The following MON2 variants were observed in gnomAD, a reference collection of about 807,000 sequenced individuals.
The protein encoded by MON2 is protein MON2 homolog.
In MON2, 84 loss-of-function variants were observed where a neutral mutation model predicts 208.6. The ratio of observed to expected loss-of-function variants is 0.40; its 90% CI spans 0.34 to 0.48. The LOEUF is 0.48. Among genes scored for constraint, MON2 ranks in the 20% least tolerant of loss-of-function variants. MON2 has a pLI of 0.59. For synonymous variants in MON2, 660 were observed against 694.0 expected, an observed-to-expected ratio of 0.95 and a Z score of 0.77; for missense variants, 1,611 against 2,015.4, an observed-to-expected ratio of 0.80 and a Z score of 3.84.
chr12:62,549,180 A>G (rs1335130299), intron 22 of MON2, among the ~76,000 whole-genome samples: 3 of 151,806 alleles, frequency 2.0e-5, no homozygotes, highest in Admixed American at 6.6e-5. Context: ...GTTTTTGTTA[A>G]TTTGTTTAAG....
rs528063441 is a variant in MON2 at position 62,511,240 on chromosome 12, A to G, written c.984+2760A>G. 2.0e-5 allele frequency among the ~76,000 whole-genome samples: 3 copies of G among 152,236 alleles called. No individual in the cohort carries two copies. In the East Asian group the frequency reaches 5.8e-4, roughly 29 times the overall value. On this transcript the variant is annotated intron_variant, in intron 8 of 34. Transcript: ENST00000393630. The stretch of plus-strand genomic sequence containing the variant: ...TCAAAATTCCAACAGCAATTTTTGC[A>G]GAAGTAGAAGAAACCATCTTAAAAT...
At chr12:62,504,730 C>G (rs1010165115) in intron 7 of MON2, among the ~76,000 whole-genome samples, 2 of 152,140 alleles carry the variant, frequency 1.3e-5, no homozygotes, top group African/African-American at 4.8e-5. Context: ...TTACCAGTCA[C>G]TTAAGTTTTA....
intron 32 of MON2, among the ~76,000 whole-genome samples, chr12:62,584,540 A>G (rs2075127420): frequency 6.6e-6 from 1 of 151,994 alleles, no homozygotes; most frequent in Admixed American, 6.6e-5. Context: ...TGTCTCTACT[A>G]AAAATACAAA....
chr12:62,561,178 A>G (rs2074184767), intron 26 of MON2, 65 bp downstream of exon 26: 10 of 1,371,272 alleles, frequency 7.3e-6, no homozygotes, highest in East Asian at 2.3e-5. Flanking sequence ...TTATTTTGCT[A>G]TATATTTGCG....
chr12:62,495,983 A>G (rs1476512375), intron 4 of MON2, among the ~76,000 whole-genome samples: 1 of 152,124 alleles, frequency 6.6e-6, no homozygotes, highest in Non-Finnish European at 1.5e-5. Context: ...TTTCTAAAGA[A>G]CAGAAAGTAG....
At chr12:62,502,201 C>A (rs2070872730) in intron 7 of MON2, among the ~76,000 whole-genome samples, 1 of 152,040 alleles carries the variant, frequency 6.6e-6, no homozygotes, top group Non-Finnish European at 1.5e-5. Context: ...GCCTAGGCGA[C>A]AGAGCAAGAC....
At chr12:62,508,197 G>A (rs1370665700) in intron 7 of MON2, 89 bp from the exon 8 acceptor site, 12 of 958,174 alleles carry the variant, frequency 1.3e-5, no homozygotes. Context: ...TTATTAAGAA[G>A]TTTTGTTTCC....
chr12:62,552,067 C>G (rs2073770512), intron 23 of MON2, among the ~76,000 whole-genome samples: 1 of 151,942 alleles, frequency 6.6e-6, no homozygotes, highest in African/African-American at 2.4e-5. Flanking sequence ...TAGCATTTAC[C>G]TTATGTTAGG....
At chr12:62,546,761 A>C (rs2073504513) in intron 21 of MON2, 136 bp from the exon 22 acceptor site, 1 of 679,122 alleles carries the variant, frequency 1.5e-6, no homozygotes, top group Non-Finnish European at 2.3e-6. Flanking sequence ...CATTTCAAAA[A>C]AAATAAATAA....
chr12:62,552,627 T>G (rs1225766689), intron 23 of MON2, among the ~76,000 whole-genome samples: 3 of 152,006 alleles, frequency 2.0e-5, no homozygotes, highest in Admixed American at 1.3e-4. Flanking sequence ...TTGTATGTTC[T>G]TGACATTTTT....
chr12:62,497,347 A>T (rs2070572035), intron 4 of MON2, among the ~76,000 whole-genome samples: 1 of 152,226 alleles, frequency 6.6e-6, no homozygotes. Flanking sequence ...AGACAACCCA[A>T]TTAAGTATGG....
At chr12:62,580,198 C>T (rs912487652) in intron 31 of MON2, 99 bp from the exon 32 acceptor site, 10 of 1,168,848 alleles carry the variant, frequency 8.6e-6, no homozygotes, top group Non-Finnish European at 1.1e-5. Context: ...AGTTCTTTAA[C>T]TGATTTTCAT....
At chr12:62,521,629 A>T (rs192427273) in intron 8 of MON2, among the ~76,000 whole-genome samples, 1 of 152,196 alleles carries the variant, frequency 6.6e-6, no homozygotes, top group Non-Finnish European at 1.5e-5. Flanking sequence ...AAGGGTGAAG[A>T]TAATTAATCT....
intron 2 of MON2, among the ~76,000 whole-genome samples, chr12:62,487,975 C>G (rs1045043783): frequency 6.6e-6 from 1 of 152,134 alleles, no homozygotes; most frequent in African/African-American, 2.4e-5. Context: ...AGGTCAGAGT[C>G]AACATCTTAT....
intron 2 of MON2, among the ~76,000 whole-genome samples, chr12:62,485,895 G>C (rs530798860): frequency 1.3e-5 from 2 of 152,118 alleles, no homozygotes; most frequent in South Asian, 2.1e-4. Flanking sequence ...GTAGAGACAG[G>C]GTTTCATCAT....
intron 19 of MON2, among the ~76,000 whole-genome samples, chr12:62,539,420 C>T (rs535849464): frequency 1.2e-3 from 177 of 151,932 alleles, no homozygotes; most frequent in Non-Finnish European, 1.6e-3. Flanking sequence ...CCCGCCACCA[C>T]GCCCGGCTAA....
At chr12:62,552,806 C>T (rs1323428002) in intron 23 of MON2, 75 bp from the exon 24 acceptor site, 2 of 1,114,532 alleles carry the variant, frequency 1.8e-6, no homozygotes, top group East Asian at 4.8e-5. Context: ...AAAGGTAAAA[C>T]AGCCACATGT....
At chr12:62,532,277 A>T (rs2072690848) in intron 11 of MON2, among the ~76,000 whole-genome samples, 161 bp from the exon 12 acceptor site, 1 of 152,228 alleles carries the variant, frequency 6.6e-6, no homozygotes, top group Non-Finnish European at 1.5e-5. Context: ...GAATACCATG[A>T]AGAGATCTCT....
chr12:62,538,451 T>C lies in MON2; in HGVS notation c.2310T>C (p.Asn770=). The change falls in exon 19 of 35, where the codon AAT becomes AAC. Residue 770 remains asparagine (N), a synonymous_variant. Coordinates refer to ENST00000393630, the MANE Select transcript of MON2 (RefSeq NM_015026.3). ...LDDVSLHHLI[N]ALCSLSLEAM... ...ATGTATCACTGCATCATTTAATAAA[T>C]GCACTTTGCTCCTTGTCTCTAGAAG... The C allele has an allele frequency of 1.9e-6, 3 of 1,612,020 alleles. No homozygotes were observed. Among genetic ancestry groups the C allele is most frequent in the Non-Finnish European group, 2.5e-6 (3 of 1,178,430 alleles).
Sources: gnomAD v4.1 joint callset for allele counts (sites outside exome capture counted in the v4.1 genomes callset) on GRCh38, gnomAD v4.1.1 for gene constraint, MANE v1.5 for transcripts, NCBI Gene and HGNC (gene_info 2026-07-23, HGNC 2026-07-21) for gene names.